Variants in CACNA1C observed in about 807,000 individuals in gnomAD.
CACNA1C encodes calcium voltage-gated channel subunit alpha1 C, also known as voltage-dependent L-type calcium channel subunit alpha-1C.
Under a neutral mutation model 229.0 loss-of-function variants are expected in CACNA1C, and 30 were observed. The ratio of observed to expected loss-of-function variants is 0.13; its 90% confidence interval spans 0.10 to 0.18. The LOEUF is 0.18. CACNA1C is among the 10% of genes least tolerant of loss of function. The pLI is 1.00. For missense variants in CACNA1C, 1,658 were observed against 2,845.0 expected (o/e 0.58, Z 9.49); for synonymous variants, 1,114 against 1,132.5 (o/e 0.98, Z 0.33).
intron 9 of CACNA1C, among the ~76,000 whole-genome samples, chr12:2,528,108 C>A (rs1028535410): frequency 3.3e-5 from 5 of 152,150 alleles, no homozygotes; most frequent in African/African-American, 4.8e-5. Flanking sequence ...CCTCTCCCAA[C>A]AGGATGCCAG....
chr12:2,157,772 A>G (rs1160350775), intron 3 of CACNA1C, among the ~76,000 whole-genome samples: 2 of 152,252 alleles, frequency 1.3e-5, no homozygotes, highest in South Asian at 2.1e-4. Context: ...GGCCTTGAAA[A>G]TAGAAACCAA....
At chr12:2,263,208 G>A (rs1371647133) in intron 3 of CACNA1C, among the ~76,000 whole-genome samples, 8 of 151,812 alleles carry the variant, frequency 5.3e-5, no homozygotes, top group Non-Finnish European at 1.0e-4. Flanking sequence ...AGGTGCAGAG[G>A]CCCTCAGGTG....
At chr12:2,514,366 A>G (rs1169550547) in intron 9 of CACNA1C, among the ~76,000 whole-genome samples, 1 of 152,220 alleles carries the variant, frequency 6.6e-6, no homozygotes, top group Non-Finnish European at 1.5e-5. Flanking sequence ...CACACAAACA[A>G]CAAGGGACTG....
intron 1 of CACNA1C, among the ~76,000 whole-genome samples, chr12:2,019,141 C>CA (rs958244577): frequency 2.1e-4 from 32 of 152,118 alleles, no homozygotes; most frequent in African/African-American, 7.5e-4. Context: ...AAGGGAAAAA[C>CA]AGAGTTGGAG....
chr12:2,600,451 T>C (rs957644240), intron 21 of CACNA1C, among the ~76,000 whole-genome samples: 2 of 152,238 alleles, frequency 1.3e-5, no homozygotes, highest in South Asian at 2.1e-4. Flanking sequence ...CTGGGCATGC[T>C]CTGATTCCAA....
chr12:2,195,449 A>G (rs1231465749), intron 3 of CACNA1C, among the ~76,000 whole-genome samples: 5 of 152,174 alleles, frequency 3.3e-5, no homozygotes, highest in South Asian at 2.1e-4. Flanking sequence ...ATTGAATTGG[A>G]TGCACTTAAG....
chr12:2,588,400 G>A (rs868463074), intron 18 of CACNA1C, among the ~76,000 whole-genome samples: 2 of 152,194 alleles, frequency 1.3e-5, no homozygotes, highest in Admixed American at 6.5e-5. Context: ...ACACTGCCAT[G>A]CTCTCCTGCT....
intron 18 of CACNA1C, among the ~76,000 whole-genome samples, chr12:2,591,550 G>A (rs1003482992): frequency 3.9e-5 from 6 of 152,202 alleles, no homozygotes; most frequent in African/African-American, 9.6e-5. Context: ...TCCCTGGAGC[G>A]TGAGTACTCA....
chr12:2,070,548 T>C (rs544666917), intron 1 of CACNA1C, among the ~76,000 whole-genome samples: 1 of 152,366 alleles, frequency 6.6e-6, no homozygotes, highest in Non-Finnish European at 1.5e-5. Context: ...TTTAGTCAGG[T>C]ACAGGATTCT....
intron 1 of CACNA1C, among the ~76,000 whole-genome samples, chr12:2,061,675 C>G (rs946346275): frequency 6.6e-6 from 1 of 152,206 alleles, no homozygotes; most frequent in Non-Finnish European, 1.5e-5. Context: ...TGGCTTCGGC[C>G]TCAAGTCCAA....
At position 2,272,067 on chromosome 12, in the gene CACNA1C, C is replaced by T. The variant is rs148288908; in HGVS notation, c.477+151637C>T. Among the ~76,000 whole-genome samples the T allele has an allele frequency of 1.1e-3, 172 of 152,276 alleles. 1 individual carries two copies. Among genetic ancestry groups the T allele is most frequent in the African/African-American group, 3.5e-3 (147 of 41,556 alleles). ...AGGCCACCAACGGGACTAGTATCCC[C>T]CAGTGTTCCCCAAGCATCTCTTCCA... is the stretch of plus-strand genomic sequence containing the variant. On this transcript the variant is annotated intron_variant, in intron 3 of 46. Coordinates refer to ENST00000399655, the MANE Select transcript of CACNA1C (RefSeq NM_000719.7).
intron 3 of CACNA1C, among the ~76,000 whole-genome samples, chr12:2,400,010 C>T (rs1006616988): frequency 4.6e-5 from 7 of 152,160 alleles, no homozygotes; most frequent in African/African-American, 1.7e-4. Flanking sequence ...AACAGCTGTG[C>T]CCAGTTTTTA....
intron 1 of CACNA1C, among the ~76,000 whole-genome samples, chr12:2,074,997 C>T (rs1027187990): frequency 2.6e-5 from 4 of 152,208 alleles, no homozygotes; most frequent in Non-Finnish European, 4.4e-5. Context: ...GTGGAGGGAG[C>T]TCCAGTGGAG....
At chr12:2,056,869 A>G (rs975879643) in intron 1 of CACNA1C, among the ~76,000 whole-genome samples, 2 of 152,330 alleles carry the variant, frequency 1.3e-5, no homozygotes, top group East Asian at 3.9e-4. Flanking sequence ...ACACACTAAC[A>G]GTATTTAAGT....
At chr12:2,239,343 G>T (rs371951438) in intron 3 of CACNA1C, among the ~76,000 whole-genome samples, 1 of 152,008 alleles carries the variant, frequency 6.6e-6, no homozygotes, top group South Asian at 2.1e-4. Context: ...TCTCCCAGGC[G>T]GTGAGGCTTT....
chr12:2,576,530 T>A lies in CACNA1C; in HGVS notation c.1896-5060T>A, dbSNP rs182649441. ...CTTGCCTTTTTGGTGTGTGAGCGTGTGTATCTCATATTTTTGACCAATGAG... is the reference window on the plus strand; with the variant it reads ...CTTGCCTTTTTGGTGTGTGAGCGTGAGTATCTCATATTTTTGACCAATGAG... On this transcript the variant is annotated intron_variant, in intron 13 of 46. Transcript: ENST00000399655. Among the ~76,000 whole-genome samples, 102 of 152,314 alleles carry A rather than the reference T, an allele frequency of 6.7e-4. No individual in the cohort carries two copies. In the South Asian group the frequency reaches 0.014, roughly 21 times the overall value.
At chr12:2,265,051 T>G (rs1259706737) in intron 3 of CACNA1C, among the ~76,000 whole-genome samples, 2 of 152,246 alleles carry the variant, frequency 1.3e-5, no homozygotes, top group East Asian at 3.8e-4. Context: ...CCTGATGAGC[T>G]GAGGTCATTC....
At chr12:2,024,062 T>C (rs561877403) in intron 1 of CACNA1C, among the ~76,000 whole-genome samples, 1 of 152,252 alleles carries the variant, frequency 6.6e-6, no homozygotes, top group East Asian at 1.9e-4. Context: ...GCTCCCTCTT[T>C]TGGGAATTGA....
intron 3 of CACNA1C, among the ~76,000 whole-genome samples, chr12:2,444,033 T>C (rs2099253413): frequency 6.6e-6 from 1 of 152,198 alleles, no homozygotes; most frequent in African/African-American, 2.4e-5. Context: ...GGCAGCTGTC[T>C]TTCTCTGGAT....
Sources: gnomAD v4.1 joint callset for allele counts (sites outside exome capture counted in the v4.1 genomes callset) on GRCh38, gnomAD v4.1.1 for gene constraint, MANE v1.5 for transcripts, NCBI Gene and HGNC (gene_info 2026-07-23, HGNC 2026-07-21) for gene names.